Variants in PROSER3 observed in about 807,000 individuals in gnomAD.
PROSER3 encodes the protein proline and serine-rich protein 3.
In PROSER3, 33 loss-of-function variants were observed where a neutral mutation model predicts 50.2. The ratio of observed to expected loss-of-function variants is 0.66; its 90% CI spans 0.50 to 0.88. The LOEUF (loss-of-function observed/expected upper bound fraction) is 0.88. PROSER3 is among the 40% of genes least tolerant of loss of function. The pLI is 0.00. For missense variants in PROSER3, 623 were observed against 612.7 expected (o/e 1.02, Z -0.18); for synonymous variants, 266 against 259.3 (o/e 1.03, Z -0.25).
intron 8 of PROSER3, chr19:35,767,787 C>A (rs560638856): frequency 8.1e-6 from 13 of 1,603,710 alleles, no homozygotes; most frequent in African/African-American, 1.3e-5. Context: ...CCATCTGAAT[C>A]CCAGTGTCGG....
chr19:35,767,896 GC>G lies in PROSER3; in HGVS notation c.1053del (p.Glu352ArgfsTer71). 2 of 1,613,046 alleles carry G rather than the reference GC, an allele frequency of 1.2e-6. No individual in the cohort carries two copies. Among genetic ancestry groups the G allele is most frequent in the Non-Finnish European group, 1.7e-6 (2 of 1,179,736 alleles). On this transcript the variant is annotated frameshift_variant, in exon 9 of 11. Transcript: ENST00000396908. LOFTEE classifies it high-confidence loss of function. The stretch of plus-strand genomic sequence containing the variant: ...CTCCTTCCCCTGGAGCCTGCCTGCA[GC>G]CCGAGGTCCCACTCTCTCCAGCTGA...
intron 5 of PROSER3, among the ~76,000 whole-genome samples, chr19:35,764,557 G>C (rs1971072852): frequency 6.6e-6 from 1 of 152,046 alleles, no homozygotes; most frequent in African/African-American, 2.4e-5. Flanking sequence ...TTGGGAGGCT[G>C]AGGCAGGAGA....
At chr19:35,762,141 C>T (rs1247854889) in exon 4 of PROSER3, 3 of 1,596,738 alleles carry the variant, frequency 1.9e-6, no homozygotes, top group Admixed American at 3.4e-5. Flanking sequence ...AGTCAAAGTG[C>T]AGCAGGTACC....
Position 35,768,793 on chromosome 19 carries a change from G to A in PROSER3, c.*248G>A, listed in dbSNP as rs1831967404. 4 of 373,006 alleles carry A rather than the reference G, an allele frequency of 1.1e-5. No homozygotes were observed. The South Asian group carries it at 1.5e-4, about 14-fold the overall frequency. The allele number at this position is 373,006 out of a possible 1,614,324, so 23.1% of individuals were successfully genotyped here. A position where few individuals can be genotyped will look rare whatever the true frequency, so the allele number is the denominator to read the frequency against. On this transcript the variant is annotated 3_prime_UTR_variant, in exon 11 of 11. Transcript: ENST00000396908. ...GAGTTTCAGACAAGACTTCTGGCAA[G>A]ACTGGGACCCACCTTATCTGGCTTC...
In PROSER3 at chr19:35,759,476, G is replaced by A. The variant is rs1239462633; in HGVS notation, c.108+6G>A. ...GCCAGACCTGGTGTCCCAAGGTGAG[G>A]ACACCCCTCAAAGAGTGCTGAGTGC... On this transcript the variant is annotated splice_donor_region_variant and intron_variant, in intron 2 of 10. Coordinates refer to ENST00000396908, the Ensembl canonical transcript of PROSER3. 5.6e-6 allele frequency: 9 copies of A among 1,609,252 alleles called. No individual in the cohort carries two copies. Among genetic ancestry groups the A allele is most frequent in the Non-Finnish European group, 7.6e-6 (9 of 1,177,272 alleles).
Position 35,762,066 on chromosome 19 carries a change from G to A in PROSER3, c.359G>A (p.Arg120His), listed in dbSNP as rs761833620. The change falls in exon 4 of 11, where the codon CGC (arginine) becomes CAC (histidine). Residue 120 changes from arginine (R) to histidine (H), a missense_variant. Arg to His is a conservative substitution (Grantham distance 29). Coordinates refer to ENST00000396908, the Ensembl canonical transcript of PROSER3. ...GCTCAGCCCACCAGTCGAGAGGAGC[G>A]CCAGCCTGCAGGCCCAACCCCAGCT... The A allele has an allele frequency of 8.3e-5, 134 of 1,610,652 alleles. No homozygotes were observed. Among genetic ancestry groups the A allele is most frequent in the Non-Finnish European group, 1.0e-4 (120 of 1,177,540 alleles).
At chr19:35,761,461 C>T (rs1970950534) in intron 3 of PROSER3, among the ~76,000 whole-genome samples, 1 of 152,100 alleles carries the variant, frequency 6.6e-6, no homozygotes, top group East Asian at 1.9e-4. Flanking sequence ...CACCTGAGAT[C>T]AGGAGTTTGA....
At chr19:35,766,344 T>A (rs1018748591) in intron 7 of PROSER3, among the ~76,000 whole-genome samples, 6 of 152,018 alleles carry the variant, frequency 3.9e-5, no homozygotes, top group African/African-American at 1.4e-4. Flanking sequence ...CCCAGGAGTT[T>A]GAGACCAGCT....
downstream of PROSER3, chr19:35,770,898 A>C (rs1268808952): frequency 6.6e-6 from 1 of 152,086 alleles, no homozygotes; most frequent in Non-Finnish European, 1.5e-5. Context: ...TAAAAAAAAA[A>C]ACTAGTTGCC....
intron 3 of PROSER3, among the ~76,000 whole-genome samples, chr19:35,761,226 T>C (rs1970945105): frequency 6.6e-6 from 1 of 152,202 alleles, no homozygotes; most frequent in African/African-American, 2.4e-5. Context: ...GGAGACTGGC[T>C]GTGTGCCCAG....
chr19:35,764,832 G>A (rs368378844), intron 5 of PROSER3, 22 bp from the exon 6 acceptor site: 81 of 1,605,864 alleles, frequency 5.0e-5, no homozygotes, highest in Middle Eastern at 1.6e-4. Flanking sequence ...TGGGGCTGGC[G>A]TCTGACCCTG....
chr19:35,759,991 A>G (rs2146558203), exon 3 of PROSER3: 1 of 1,579,882 alleles, frequency 6.3e-7, no homozygotes. Context: ...GTGGTGGCCA[A>G]GTAAGTACCA....
intron 1 of PROSER3, 29 bp downstream of exon 1, chr19:35,758,255 C>G (rs368833431): frequency 3.2e-6 from 5 of 1,560,390 alleles, no homozygotes; most frequent in Non-Finnish European, 4.3e-6. Flanking sequence ...CCAGGGACTA[C>G]AGGAGGCTGG....
At chr19:35,763,210 T>C (rs180953735) in intron 5 of PROSER3, among the ~76,000 whole-genome samples, 4,019 of 144,140 alleles carry the variant, frequency 0.028, 97 homozygotes, top group South Asian at 0.089. Flanking sequence ...ATGCCCCCCC[T>C]TTTTTTTTTG....
chr19:35,759,112 C>T (rs552457298), intron 1 of PROSER3: 1 of 410,864 alleles, frequency 2.4e-6, no homozygotes, highest in Non-Finnish European at 4.4e-6. Flanking sequence ...TTGAAAAGCC[C>T]CTCCTAGACT....
At chr19:35,768,669 C>A (rs532820883) in exon 11 of PROSER3, 3 of 1,267,524 alleles carry the variant, frequency 2.4e-6, no homozygotes, top group East Asian at 5.1e-5. Context: ...GGAAATGCCC[C>A]CCATCCTCCG....
In PROSER3 at chr19:35,767,599, T is replaced by C. The variant is rs557846042; in HGVS notation, c.958-205T>C. ...GCCCAGAGGCTGCCGAGCAAGTCCC[T>C]GCAGCTGGCCAGGGACCTGGCCCTC... is the stretch of plus-strand genomic sequence containing the variant. On this transcript the variant is annotated intron_variant, in intron 8 of 10. Transcript: ENST00000396908. The C allele has an allele frequency of 9.6e-6, 6 of 622,128 alleles. No individual in the cohort carries two copies. The East Asian group carries it at 1.5e-4, about 15-fold the overall frequency. 38.5% of individuals were successfully genotyped at this position (622,128 alleles called of 1,614,324 possible). A position where few individuals can be genotyped will look rare whatever the true frequency, so the allele number is the denominator to read the frequency against.
At chr19:35,762,117 C>T (rs1970972415) in exon 4 of PROSER3, 1 of 1,604,832 alleles carries the variant, frequency 6.2e-7, no homozygotes, top group Non-Finnish European at 8.5e-7. Flanking sequence ...CAGTCTGACT[C>T]TCCAGACCCC....
chr19:35,763,924 A>G (rs1186023310), intron 5 of PROSER3, among the ~76,000 whole-genome samples: 2 of 146,130 alleles, frequency 1.4e-5, no homozygotes, highest in Non-Finnish European at 3.0e-5. Flanking sequence ...AGTACCTGGG[A>G]CTACAGCATG....
Sources: gnomAD v4.1 joint callset for allele counts (sites outside exome capture counted in the v4.1 genomes callset) on GRCh38, gnomAD v4.1.1 for gene constraint, MANE v1.5 for transcripts, NCBI Gene and HGNC (gene_info 2026-07-23, HGNC 2026-07-21) for gene names.